GRIP1: variants seen among roughly 807,000 people sequenced by gnomAD.
The protein encoded by GRIP1 is glutamate receptor-interacting protein 1.
Under a neutral mutation model 129.9 loss-of-function variants are expected in GRIP1, and 45 were observed. The ratio of observed to expected loss-of-function variants is 0.35; its 90% CI spans 0.27 to 0.44. GRIP1 has a LOEUF of 0.44. Among genes scored for constraint, GRIP1 ranks in the 20% least tolerant of loss-of-function variants. GRIP1 has a pLI of 1.00. For missense variants in GRIP1, 1,196 were observed against 1,396.8 expected (o/e 0.86, Z 2.29); for synonymous variants, 530 against 520.8 (o/e 1.02, Z -0.24).
At chr12:67,033,490 T>C (rs1004467767) in intron 1 of GRIP1, among the ~76,000 whole-genome samples, 1 of 152,146 alleles carries the variant, frequency 6.6e-6, no homozygotes, top group Non-Finnish European at 1.5e-5. Context: ...TCATTCAGTA[T>C]GTACCTCTCT....
intron 2 of GRIP1, among the ~76,000 whole-genome samples, chr12:66,587,098 C>G (rs1423769457): frequency 6.6e-6 from 1 of 152,204 alleles, no homozygotes; most frequent in Non-Finnish European, 1.5e-5. Flanking sequence ...CTCAGCCATT[C>G]AATTTGGCAT....
chr12:66,389,587 G>A (rs1426930887), intron 19 of GRIP1, among the ~76,000 whole-genome samples: 2 of 151,888 alleles, frequency 1.3e-5, no homozygotes, highest in Non-Finnish European at 2.9e-5. Flanking sequence ...CAGTTTAACT[G>A]AATATCACGG....
chr12:66,455,600 C>A, intron 10 of GRIP1, 36 bp from the exon 11 acceptor site: 1 of 1,603,142 alleles, frequency 6.2e-7, no homozygotes. Context: ...AGAGCACTCT[C>A]AGGTGAGGTG....
At chr12:66,804,786 C>A (rs781318491), upstream of GRIP1, among the ~76,000 whole-genome samples, 7 of 152,178 alleles carry the variant, frequency 4.6e-5, no homozygotes, top group Non-Finnish European at 1.0e-4. Flanking sequence ...TATTGTTTTG[C>A]AATGGGCGTA....
At chr12:67,065,024 T>A (rs185200543) in intron 1 of GRIP1, 1 of 151,200 alleles carries the variant, frequency 6.6e-6, no homozygotes. Flanking sequence ...GTTCTTGCGA[T>A]AGTTTACTGA....
Position 67,010,720 on chromosome 12 carries a change from T to C in GRIP1, c.58+58330A>G, listed in dbSNP as rs1235587049. 3.3e-5 allele frequency among the ~76,000 whole-genome samples: 5 copies of C among 151,838 alleles called. No homozygotes were observed. The East Asian group carries it at 9.7e-4, about 29-fold the overall frequency. On this transcript the variant is annotated intron_variant, in intron 1 of 1. Coordinates refer to the GRIP1 transcript ENST00000643019. Reference sequence around the variant, plus strand: ...GCTAACCCAAGAGCTGTCAACAAGATCTGAGTGCAGAAAGCGGGGACACCG... The same window carrying C: ...GCTAACCCAAGAGCTGTCAACAAGACCTGAGTGCAGAAAGCGGGGACACCG...
chr12:66,554,741 C>T (rs543705289), intron 2 of GRIP1, among the ~76,000 whole-genome samples: 10 of 152,186 alleles, frequency 6.6e-5, no homozygotes, highest in African/African-American at 1.9e-4. Flanking sequence ...AAGTGAACAT[C>T]GGTGGTACTT....
At chr12:67,058,695 G>A (rs568181106) in intron 1 of GRIP1, among the ~76,000 whole-genome samples, 55 of 152,330 alleles carry the variant, frequency 3.6e-4, no homozygotes, top group African/African-American at 1.1e-3. Context: ...AGCCTCGAGC[G>A]ATGTCATCTC....
Position 66,457,100 on chromosome 12 carries a change from G to A in GRIP1, c.1043-758C>T, listed in dbSNP as rs1057244950. The stretch of plus-strand genomic sequence containing the variant: ...AACTTTATTAAAATTTCAAATTGCC[G>A]TCCCTTTTATGTTTTAGAAAATCTT... On this transcript the variant is annotated intron_variant, in intron 9 of 24. Transcript: ENST00000359742. Among the ~76,000 whole-genome samples, 19 of 151,514 alleles carry A rather than the reference G, an allele frequency of 1.3e-4. No individual in the cohort carries two copies. The East Asian group carries it at 1.4e-3, about 11-fold the overall frequency.
At chr12:66,799,054 C>A (rs776533764) in intron 1 of GRIP1, among the ~76,000 whole-genome samples, 2 of 152,096 alleles carry the variant, frequency 1.3e-5, no homozygotes, top group Admixed American at 6.6e-5. Context: ...CCCAGTTCCA[C>A]GACAATCAGT....
chr12:66,628,864 T>C (rs2030413209), intron 1 of GRIP1, among the ~76,000 whole-genome samples: 1 of 152,164 alleles, frequency 6.6e-6, no homozygotes, highest in Non-Finnish European at 1.5e-5. Context: ...CTTATATAAA[T>C]AATCACAGTT....
chr12:66,756,236 A>G (rs1021550312), intron 1 of GRIP1, among the ~76,000 whole-genome samples: 1 of 152,076 alleles, frequency 6.6e-6, no homozygotes, highest in Admixed American at 6.6e-5. Context: ...TTCTGCTTCT[A>G]TGAGTTTCAC....
At position 66,989,393 on chromosome 12, in the gene GRIP1, T is replaced by C. The variant is rs138506786; in HGVS notation, c.58+79657A>G. Among the ~76,000 whole-genome samples, 440 of 152,280 alleles carry C rather than the reference T, an allele frequency of 2.9e-3. 1 individual carries two copies. Among genetic ancestry groups the C allele is most frequent in the Non-Finnish European group, 4.9e-3 (332 of 68,026 alleles). On this transcript the variant is annotated intron_variant, in intron 1 of 1. Transcript: ENST00000643019. ...GTTGAAAAGCGTCAAATTTGGGAGT[T>C]ATCACAGTGAAGATCACTGTGTCCT...
chr12:66,949,466 T>A (rs1241823120), intron 1 of GRIP1, among the ~76,000 whole-genome samples: 1 of 152,198 alleles, frequency 6.6e-6, no homozygotes, highest in Non-Finnish European at 1.5e-5. Flanking sequence ...GTGGCTAAGA[T>A]GAGACTTGGC....
chr12:66,419,563 T>TA (rs1216634163), intron 15 of GRIP1, among the ~76,000 whole-genome samples: 1 of 152,172 alleles, frequency 6.6e-6, no homozygotes, highest in Non-Finnish European at 1.5e-5. Context: ...TTGTATCCCA[T>TA]AAGTATATAT....
At chr12:66,466,323 T>C (rs552468975) in intron 7 of GRIP1, among the ~76,000 whole-genome samples, 1 of 152,238 alleles carries the variant, frequency 6.6e-6, no homozygotes, top group Non-Finnish European at 1.5e-5. Context: ...GTAGAGACTA[T>C]GTCTTGTCAA....
Position 66,617,286 on chromosome 12 carries a change from G to GAA in GRIP1, c.56-20361_56-20360dup, listed in dbSNP as rs63275262. 2.0e-4 allele frequency among the ~76,000 whole-genome samples: 21 copies of GAA among 104,006 alleles called. No individual in the cohort carries two copies. The East Asian group carries it at 3.4e-3, about 17-fold the overall frequency. 68.2% of individuals were successfully genotyped at this position (104,006 alleles called of 152,430 possible). On this transcript the variant is annotated intron_variant, in intron 1 of 24. Coordinates refer to ENST00000359742, the MANE Select transcript of GRIP1 (RefSeq NM_001366722.1). ...CCTGTTTCCTCCACACAGCCAACAA[G>GAA]AAAAAAAAAAAAAAAAAAAAAGATG...
At chr12:66,844,143 A>T (rs2137057498) in intron 1 of GRIP1, among the ~76,000 whole-genome samples, 1 of 152,290 alleles carries the variant, frequency 6.6e-6, no homozygotes, top group East Asian at 1.9e-4. Context: ...GAAAGACTTG[A>T]ATAGACATTC....
chr12:66,933,747 G>C (rs577424218), intron 1 of GRIP1, among the ~76,000 whole-genome samples: 4 of 152,224 alleles, frequency 2.6e-5, no homozygotes, highest in Non-Finnish European at 5.9e-5. Flanking sequence ...TTCATGTCAA[G>C]CTGGAATTTG....
Sources: gnomAD v4.1 joint callset for allele counts (sites outside exome capture counted in the v4.1 genomes callset) on GRCh38, gnomAD v4.1.1 for gene constraint, MANE v1.5 for transcripts, NCBI Gene and HGNC (gene_info 2026-07-23, HGNC 2026-07-21) for gene names.